Variants in SPMIP2 observed in about 807,000 individuals in gnomAD.
The protein encoded by SPMIP2 is sperm microtubule inner protein 2.
At chr4:159,036,494 C>T in the SPMIP2 span, among the ~76,000 whole-genome samples, 2 of 152,178 alleles carry the variant, frequency 1.3e-5, no homozygotes, top group East Asian at 3.8e-4. Context: ...CTGTGTTGAG[C>T]CCTTACAGTT....
chr4:158,954,261 TAGTGAATA>T, the SPMIP2 span, among the ~76,000 whole-genome samples: 1 of 152,170 alleles, frequency 6.6e-6, no homozygotes, highest in Non-Finnish European at 1.5e-5. Context: ...GTTCTCGTGG[TAGTGAATA>T]AGTCTTACAA....
At chr4:159,050,359 C>A in the SPMIP2 span, among the ~76,000 whole-genome samples, 1 of 142,476 alleles carries the variant, frequency 7.0e-6, no homozygotes. Context: ...ATAAATATGT[C>A]TGCAATTCAT....
chr4:158,973,239 G>A, the SPMIP2 span: 210,997 of 1,612,706 alleles, frequency 0.13, 16,471 homozygotes, highest in East Asian at 0.31. Flanking sequence ...TTTTTCTAAC[G>A]CCAGATGCTG....
At chr4:158,941,714 AACTCT>A in the SPMIP2 span, among the ~76,000 whole-genome samples, 1 of 152,200 alleles carries the variant, frequency 6.6e-6, no homozygotes, top group African/African-American at 2.4e-5. Context: ...CTCTTGGAAT[AACTCT>A]ACTCTGTGAA....
the SPMIP2 span, among the ~76,000 whole-genome samples, chr4:158,932,872 A>G: frequency 1.2e-4 from 19 of 152,208 alleles, no homozygotes; most frequent in African/African-American, 3.9e-4. Flanking sequence ...GGAAGAGAGG[A>G]ATGGGAATAG....
the SPMIP2 span, among the ~76,000 whole-genome samples, chr4:159,033,981 T>C: frequency 1.3e-5 from 2 of 151,738 alleles, no homozygotes; most frequent in African/African-American, 4.8e-5. Flanking sequence ...AATAAATAAA[T>C]AAATAAACAA....
the SPMIP2 span, among the ~76,000 whole-genome samples, chr4:159,072,179 T>C: frequency 6.6e-6 from 1 of 152,122 alleles, no homozygotes; most frequent in East Asian, 1.9e-4. Context: ...CTAGGTGTTG[T>C]GGCGCATGCC....
the SPMIP2 span, among the ~76,000 whole-genome samples, chr4:159,040,620 C>T: frequency 6.6e-6 from 1 of 151,970 alleles, no homozygotes; most frequent in East Asian, 1.9e-4. Context: ...TGTGTACCAC[C>T]ACACTTGGCT....
the SPMIP2 span, among the ~76,000 whole-genome samples, chr4:159,019,296 CAAAAAAAA>C: frequency 1.0e-5 from 1 of 100,240 alleles, no homozygotes; most frequent in African/African-American, 3.9e-5. Flanking sequence ...GACTCCGTCT[CAAAAAAAA>C]AAAAAAAAAA....
chr4:158,957,149 T>TAACATTCC, the SPMIP2 span, among the ~76,000 whole-genome samples: 1 of 152,144 alleles, frequency 6.6e-6, no homozygotes, highest in Non-Finnish European at 1.5e-5. Flanking sequence ...CTTCTCCATA[T>TAACATTCC]AACATTCCAA....
the SPMIP2 span, among the ~76,000 whole-genome samples, chr4:158,956,547 A>G: frequency 6.6e-6 from 1 of 152,052 alleles, no homozygotes; most frequent in East Asian, 1.9e-4. Flanking sequence ...TCGGCAACAG[A>G]GCAAAACTCT....
the SPMIP2 span, among the ~76,000 whole-genome samples, chr4:159,072,645 T>C: frequency 6.6e-6 from 1 of 151,910 alleles, no homozygotes; most frequent in Non-Finnish European, 1.5e-5. Flanking sequence ...GTGTTTTTTG[T>C]AGAGATGGGG....
At chr4:158,987,345 T>A in the SPMIP2 span, among the ~76,000 whole-genome samples, 1 of 152,062 alleles carries the variant, frequency 6.6e-6, no homozygotes, top group Non-Finnish European at 1.5e-5. Flanking sequence ...ATGTTTATTG[T>A]GGCACTATTC....
chr4:159,050,878 C>G, the SPMIP2 span, among the ~76,000 whole-genome samples: 1 of 151,706 alleles, frequency 6.6e-6, no homozygotes, highest in Non-Finnish European at 1.5e-5. Flanking sequence ...GGAGGCTGAG[C>G]CAGGTGGATC....
At chr4:159,016,023 A>G in the SPMIP2 span, among the ~76,000 whole-genome samples, 1 of 152,264 alleles carries the variant, frequency 6.6e-6, no homozygotes, top group Non-Finnish European at 1.5e-5. Context: ...GTCAGTCTGT[A>G]GTAGTCATGG....
the SPMIP2 span, among the ~76,000 whole-genome samples, chr4:158,954,040 G>A: frequency 1.3e-5 from 2 of 152,204 alleles, no homozygotes; most frequent in South Asian, 2.1e-4. Context: ...ATGATGAAAT[G>A]AGTTAAGACT....
chr4:158,997,131 A>G, the SPMIP2 span, among the ~76,000 whole-genome samples: 1 of 152,094 alleles, frequency 6.6e-6, no homozygotes, highest in Non-Finnish European at 1.5e-5. Context: ...TTAAGACCAC[A>G]TGAAATTATT....
the SPMIP2 span, among the ~76,000 whole-genome samples, chr4:158,911,347 CAAAT>C: frequency 0.54 from 75,722 of 141,038 alleles, 21,951 homozygotes; most frequent in East Asian, 0.81. Flanking sequence ...GACTCCGTCT[CAAAT>C]AAATAAATAA....
the SPMIP2 span, among the ~76,000 whole-genome samples, chr4:158,984,726 G>C: frequency 6.6e-6 from 1 of 152,028 alleles, no homozygotes; most frequent in Non-Finnish European, 1.5e-5. Flanking sequence ...AAAAGAACTA[G>C]AAAAGAAAGA....
Sources: gnomAD v4.1 joint callset for allele counts (sites outside exome capture counted in the v4.1 genomes callset) on GRCh38, gnomAD v4.1.1 for gene constraint, MANE v1.5 for transcripts, NCBI Gene and HGNC (gene_info 2026-07-23, HGNC 2026-07-21) for gene names.